Variants in COL2A1 observed in about 807,000 individuals in gnomAD.
COL2A1 encodes the protein collagen alpha-1(II) chain.
In COL2A1, 28 loss-of-function variants were observed where a neutral mutation model predicts 204.5. That is an observed-to-expected ratio of 0.14 (90% CI 0.10 to 0.19). The LOEUF is 0.19. COL2A1 is among the 10% of genes least tolerant of loss of function. The probability of loss-of-function intolerance (pLI) is 1.00; values close to 1 mark genes in which losing one functional copy is unlikely to be tolerated. For missense variants in COL2A1, 1,388 were observed against 2,027.5 expected (o/e 0.68, Z 6.06); for synonymous variants, 708 against 718.7 (o/e 0.99, Z 0.24).
chr12:47,979,714 G>T, intron 40 of COL2A1, 150 bp from the exon 41 acceptor site: 1 of 780,956 alleles, frequency 1.3e-6, no homozygotes, highest in Non-Finnish European at 2.2e-6. Context: ...GGGAGAAAGG[G>T]CCCCCGGGTC....
intron 15 of COL2A1, among the ~76,000 whole-genome samples, 176 bp downstream of exon 15, chr12:47,993,282 A>G (rs558460912): frequency 2.1e-4 from 32 of 152,336 alleles, no homozygotes; most frequent in African/African-American, 7.7e-4. Context: ...GGGTATCTTA[A>G]GGAAATGTTG....
At chr12:47,983,542 T>C in intron 30 of COL2A1, 104 bp from the exon 31 acceptor site, 1 of 1,452,904 alleles carries the variant, frequency 6.9e-7, no homozygotes, top group South Asian at 1.2e-5. Context: ...GCAGCAGCAG[T>C]GACAGCCAGG....
rs1940382912 is a variant in COL2A1, at chr12:48,004,430, G to C, written c.-109C>G. On this transcript the variant is annotated 5_prime_UTR_variant, in exon 1 of 54. Transcript: ENST00000380518. ...CGCGCCCTCATGCAGGAGGCCCTTG[G>C]AGCAGGAGGGGGAAGCGGGAGACCC... The C allele has an allele frequency of 4.8e-6, 3 of 628,704 alleles. No individual in the cohort carries two copies. Among genetic ancestry groups the C allele is most frequent in the Middle Eastern group, 4.3e-4 (1 of 2,332 alleles). 38.9% of individuals were successfully genotyped at this position (628,704 alleles called of 1,614,324 possible).
Position 47,980,467 on chromosome 12 carries a change from C to A in COL2A1, c.2625+87G>T. Reference sequence around the variant, plus strand: ...GGGTGTTCCCAGGCCTGCGAACCATCCTCTGCGCAGCCTGCTGGGGCCTTC... The same window carrying A: ...GGGTGTTCCCAGGCCTGCGAACCATACTCTGCGCAGCCTGCTGGGGCCTTC... On this transcript the variant is annotated intron_variant, in intron 39 of 53. Transcript: ENST00000380518. The surrounding 1 kb of genome is among the most constrained non-coding windows in gnomAD (Gnocchi z 4.5). The A allele has an allele frequency of 8.1e-7, 1 of 1,237,060 alleles. No homozygotes were observed. Among genetic ancestry groups the A allele is most frequent in the Non-Finnish European group, 1.2e-6 (1 of 860,332 alleles). 76.6% of individuals were successfully genotyped at this position (1,237,060 alleles called of 1,614,324 possible). A position where few individuals can be genotyped will look rare whatever the true frequency, so the allele number is the denominator to read the frequency against.
In COL2A1 at chr12:47,973,495, C is replaced by T. The variant is rs777416478; in HGVS notation, c.4376G>A (p.Arg1459His). 1.1e-5 allele frequency: 18 copies of T among 1,613,892 alleles called. No individual in the cohort carries two copies. In the South Asian group the frequency reaches 1.2e-4, roughly 11 times the overall value. ...GGGTGCAATGTCAATGATGGGGAGG[C>T]GTGAGGTCTTCTGTGACCGGTACTC... ...VIEYRSQKTSRLPIIDIAPMD... is the reference protein window; with the variant it reads ...VIEYRSQKTSHLPIIDIAPMD... The change falls in exon 54 of 54, where the codon CGC becomes CAC. Residue 1459 changes from arginine (R) to histidine (H), a missense_variant. Transcript: ENST00000380518.
chr12:47,979,674 G>T, intron 40 of COL2A1, 110 bp from the exon 41 acceptor site: 1 of 928,440 alleles, frequency 1.1e-6, no homozygotes, highest in Non-Finnish European at 1.7e-6. Flanking sequence ...AAGGGCGAGG[G>T]ACTGCAAAGC....
chr12:47,981,258 C>A (rs1250892019), intron 37 of COL2A1, 85 bp downstream of exon 37: 35 of 1,431,940 alleles, frequency 2.4e-5, no homozygotes, highest in Non-Finnish European at 3.4e-5. Context: ...GGCCACCAGG[C>A]AGCATGAGGG....
At chr12:47,979,986 G>T in intron 40 of COL2A1, 23 bp downstream of exon 40, 2 of 1,547,964 alleles carry the variant, frequency 1.3e-6, no homozygotes, top group South Asian at 1.2e-5. Context: ...GGTGCAGGGT[G>T]GGGTGTCAGA....
rs1221600468 is a variant in COL2A1 at position 47,979,678 on chromosome 12, G to A, written c.2680-114C>T. 5 of 916,614 alleles carry A rather than the reference G, an allele frequency of 5.5e-6. No homozygotes were observed. The African/African-American group carries it at 6.6e-5, about 12-fold the overall frequency. The allele number at this position is 916,614 out of a possible 1,614,324, so 56.8% of individuals were successfully genotyped here. ...CCTGGTATGGAAAGGGCGAGGGACT[G>A]CAAAGCAGCAAGGGGGATCCAGGGA... On this transcript the variant is annotated intron_variant, in intron 40 of 53. Transcript: ENST00000380518.
At chr12:47,996,433 C>A in intron 8 of COL2A1, 115 bp downstream of exon 8, 2 of 920,242 alleles carry the variant, frequency 2.2e-6, no homozygotes, top group Admixed American at 1.7e-5. Context: ...TACATAACTA[C>A]GGAGGAGAGC....
Position 47,974,103 on chromosome 12 carries a change from T to C in COL2A1, c.4303A>G (p.Lys1435Glu), listed in dbSNP as rs1293471595. 1.2e-6 allele frequency: 2 copies of C among 1,614,222 alleles called. No individual in the cohort carries two copies. Among genetic ancestry groups the C allele is most frequent in the Non-Finnish European group, 1.7e-6 (2 of 1,180,036 alleles). The change falls in exon 53 of 54, where the codon AAG becomes GAG. Residue 1435 changes from lysine (K) to glutamate (E), a missense_variant. Physicochemically the swap from Lys to Glu is moderately conservative, Grantham distance 56 (BLOSUM62 1). Coordinates refer to ENST00000380518, the MANE Select transcript of COL2A1 (RefSeq NM_001844.5). ...GCCCCACTCACCGTGCAGCCATCCTTCAGGGCAGTGTACGTGAACCTGCTA... is the reference window on the plus strand; with the variant it reads ...GCCCCACTCACCGTGCAGCCATCCTCCAGGGCAGTGTACGTGAACCTGCTA... The part of the protein sequence containing the change: ...GNSRFTYTAL[K>E]DGCTKHTGKW...
intron 30 of COL2A1, 115 bp downstream of exon 30, chr12:47,983,568 C>T (rs1285726192): frequency 7.7e-6 from 11 of 1,429,612 alleles, no homozygotes; most frequent in East Asian, 7.2e-5. Flanking sequence ...AGGGAAGGCT[C>T]GATGCCTGGC....
In COL2A1 at chr12:47,989,213, C is replaced by T. The variant is rs373544158; in HGVS notation, c.1122+15G>A. On this transcript the variant is annotated intron_variant, in intron 18 of 53. Coordinates refer to ENST00000380518, the MANE Select transcript of COL2A1 (RefSeq NM_001844.5). ...CGGCACCCAGAAGTTCCTGACTGGA[C>T]AACAGGGCACGTACCTTGGCTCCAG... 5 of 1,609,294 alleles carry T rather than the reference C, an allele frequency of 3.1e-6. No homozygotes were observed. The highest frequency in any genetic ancestry group is 4.2e-6 in the Non-Finnish European group (5 of 1,178,078).
At chr12:48,004,115 T>G (rs1002828852) in intron 1 of COL2A1, 122 bp downstream of exon 1, 5 of 743,754 alleles carry the variant, frequency 6.7e-6, no homozygotes, top group Non-Finnish European at 1.2e-5. Flanking sequence ...GTCGGCGCGC[T>G]ACGACCCCGG....
chr12:47,977,497 G>A (rs542335888), intron 45 of COL2A1, 70 bp from the exon 46 acceptor site: 14 of 1,585,578 alleles, frequency 8.8e-6, no homozygotes, highest in Non-Finnish European at 1.1e-5. Context: ...GGTCCTTCTA[G>A]GCTGAGATGA....
intron 1 of COL2A1, chr12:48,002,839 C>G (rs1002745926): frequency 6.6e-6 from 1 of 152,300 alleles, no homozygotes; most frequent in Non-Finnish European, 1.5e-5. Flanking sequence ...GCCAGAGTCT[C>G]CTGCTCCCGG....
At chr12:47,975,903 G>T in intron 50 of COL2A1, 60 bp downstream of exon 50, 5 of 1,325,464 alleles carry the variant, frequency 3.8e-6, no homozygotes, top group Non-Finnish European at 5.5e-6. Flanking sequence ...GCAAAAAAGA[G>T]CTCAAGCCTC....
chr12:47,993,557 A>C, intron 14 of COL2A1, 55 bp from the exon 15 acceptor site: 1 of 1,518,234 alleles, frequency 6.6e-7, no homozygotes, highest in Non-Finnish European at 9.1e-7. Context: ...GGCCGCCAGC[A>C]AACTCCTAGG....
rs1371239528 is a variant in COL2A1 at position 47,981,765 on chromosome 12, C to T, written c.2409+11G>A. 1.3e-6 allele frequency: 2 copies of T among 1,552,690 alleles called. No individual in the cohort carries two copies. The highest frequency in any genetic ancestry group is 1.7e-6 in the Non-Finnish European group (2 of 1,147,534). On this transcript the variant is annotated intron_variant, in intron 36 of 53. Transcript: ENST00000380518. ...AGGCAAGGTGTGGAGAGGAAAGGAG[C>T]CGGGACTCACCTTCTCGCCATTAGC...
Sources: allele counts gnomAD v4.1 joint callset (sites outside exome capture counted in the v4.1 genomes callset), GRCh38; gene constraint gnomAD v4.1.1; non-coding constraint Gnocchi (gnomAD v3.1); transcripts MANE v1.5; gene names NCBI Gene and HGNC (gene_info 2026-07-23, HGNC 2026-07-21).